The following CBR4 variants were observed in gnomAD, a reference collection of about 807,000 sequenced individuals.
The protein encoded by CBR4 is carbonyl reductase 4.
Under a neutral mutation model 21.0 loss-of-function variants are expected in CBR4, and 22 were observed. That is an observed-to-expected ratio of 1.05 (90% confidence interval 0.75 to 1.50). The LOEUF is 1.50. CBR4 is among the 40% of genes most tolerant of loss of function. CBR4 has a pLI of 0.00. For missense variants in CBR4, 302 were observed against 286.3 expected (o/e 1.05, Z -0.40); for synonymous variants, 100 against 104.4 (o/e 0.96, Z 0.26).
downstream of CBR4, chr4:168,987,577 T>A: frequency 1.2e-6 from 1 of 838,938 alleles, no homozygotes; most frequent in Non-Finnish European, 1.4e-6. Context: ...AAGATAAAAT[T>A]AACATCAGAA....
intron 2 of CBR4, among the ~76,000 whole-genome samples, chr4:168,938,915 T>C (rs187108732): frequency 1.3e-5 from 2 of 151,880 alleles, no homozygotes; most frequent in African/African-American, 2.4e-5. Flanking sequence ...TAAACAATAG[T>C]AAAAAAGGGA....
chr4:168,929,656 A>T (rs1013166847), intron 2 of CBR4, among the ~76,000 whole-genome samples: 3 of 152,176 alleles, frequency 2.0e-5, no homozygotes, highest in East Asian at 3.8e-4. Context: ...GGAGTTGGCC[A>T]ACCAGGATTT....
chr4:168,953,294 T>C (rs1763596591), intron 2 of CBR4, among the ~76,000 whole-genome samples: 1 of 152,248 alleles, frequency 6.6e-6, no homozygotes, highest in Non-Finnish European at 1.5e-5. Context: ...CGCATCTATT[T>C]CTGTTTCCAG....
intron 2 of CBR4, among the ~76,000 whole-genome samples, chr4:168,950,899 A>T (rs1763521029): frequency 6.6e-6 from 1 of 152,144 alleles, no homozygotes; most frequent in Non-Finnish European, 1.5e-5. Flanking sequence ...CTAACATAAG[A>T]ATAGCTACCC....
chr4:168,931,077 CTG>C (rs2126653757), intron 2 of CBR4, among the ~76,000 whole-genome samples: 1 of 152,298 alleles, frequency 6.6e-6, no homozygotes, highest in African/African-American at 2.4e-5. Context: ...CCAGGATTGG[CTG>C]TGACTCTGGT....
At chr4:169,007,086 C>T (rs1730970586) in intron 2 of CBR4, among the ~76,000 whole-genome samples, 195 bp from the exon 3 acceptor site, 1 of 152,104 alleles carries the variant, frequency 6.6e-6, no homozygotes, top group Non-Finnish European at 1.5e-5. Flanking sequence ...AGAAAGGATC[C>T]ACTTGGAAGA....
At position 168,915,939 on chromosome 4, in the gene CBR4, T is replaced by C. The variant is rs958874337; in HGVS notation, n.170-21174A>G. The C allele has an allele frequency of 6.2e-7, 1 of 1,613,466 alleles. No individual in the cohort carries two copies. The highest frequency in any genetic ancestry group is 8.5e-7 in the Non-Finnish European group (1 of 1,179,374). On this transcript the variant is annotated intron_variant and non_coding_transcript_variant, in intron 2 of 3. Transcript: ENST00000509108. ...GACAGTGGAGACGAAAATGAACCAATTCAGGAGCGATTCTTCAGACCTCAC... is the reference window on the plus strand; with the variant it reads ...GACAGTGGAGACGAAAATGAACCAACTCAGGAGCGATTCTTCAGACCTCAC...
chr4:168,954,162 A>G (rs1763622059), intron 2 of CBR4, among the ~76,000 whole-genome samples: 2 of 152,192 alleles, frequency 1.3e-5, no homozygotes, highest in Admixed American at 1.3e-4. Context: ...AAATGTCCTG[A>G]GCATTTCCAG....
intron 2 of CBR4, among the ~76,000 whole-genome samples, chr4:168,913,155 G>C (rs1294834535): frequency 2.7e-5 from 2 of 73,238 alleles, no homozygotes; most frequent in African/African-American, 5.6e-5. Flanking sequence ...TTTTTTTTTT[G>C]AGACAGAGTC....
At chr4:168,951,365 T>C (rs1263231605) in intron 2 of CBR4, among the ~76,000 whole-genome samples, 1 of 152,248 alleles carries the variant, frequency 6.6e-6, no homozygotes, top group African/African-American at 2.4e-5. Flanking sequence ...CAGTTCTGTA[T>C]CTTTTAAGTG....
downstream of CBR4, among the ~76,000 whole-genome samples, chr4:168,983,036 T>A (rs544225445): frequency 6.6e-6 from 1 of 151,562 alleles, no homozygotes; most frequent in African/African-American, 2.4e-5. Flanking sequence ...ACAAACCAAC[T>A]CCAAAGCTAG....
chr4:168,973,186 G>A (rs1764262996), intron 2 of CBR4, among the ~76,000 whole-genome samples: 1 of 152,140 alleles, frequency 6.6e-6, no homozygotes, highest in South Asian at 2.1e-4. Context: ...GTATTTTGTT[G>A]TGGAGTTTTG....
rs529080397 is a variant in CBR4, at chr4:168,989,582, A to G, written c.*568T>C. On this transcript the variant is annotated 3_prime_UTR_variant, in exon 5 of 5. Transcript: ENST00000306193. ...TGGGCTTGCTAAAGTATTGACAACTAATCAGTGTCCTCTAAATACTCTTAT... is the reference window on the plus strand; with the variant it reads ...TGGGCTTGCTAAAGTATTGACAACTGATCAGTGTCCTCTAAATACTCTTAT... 6.1e-6 allele frequency: 6 copies of G among 985,308 alleles called. No homozygotes were observed. Among genetic ancestry groups the G allele is most frequent in the African/African-American group, 1.7e-5 (1 of 57,250 alleles). The allele number at this position is 985,308 out of a possible 1,614,324, so 61.0% of individuals were successfully genotyped here. A position where few individuals can be genotyped will look rare whatever the true frequency, so the allele number is the denominator to read the frequency against.
At chr4:169,005,705 T>G (rs1488041496) in intron 3 of CBR4, among the ~76,000 whole-genome samples, 1 of 152,240 alleles carries the variant, frequency 6.6e-6, no homozygotes, top group Non-Finnish European at 1.5e-5. Context: ...ACTCATTGAC[T>G]AATCTCTTAC....
intron 2 of CBR4, among the ~76,000 whole-genome samples, chr4:168,975,817 C>T (rs1277432943): frequency 1.3e-5 from 2 of 152,054 alleles, no homozygotes; most frequent in Non-Finnish European, 2.9e-5. Context: ...GTTATGTTCC[C>T]AGGGGGATTA....
chr4:168,979,373 C>T lies in CBR4; in HGVS notation n.169+22698G>A, dbSNP rs111265068. On this transcript the variant is annotated intron_variant and non_coding_transcript_variant, in intron 2 of 3. Coordinates refer to the CBR4 transcript ENST00000509108. ...CACAGGCCCCCAGCACAGCACAGCTCCTTTATAGAAAAGCAACCAGACTGT... is the reference window on the plus strand; with the variant it reads ...CACAGGCCCCCAGCACAGCACAGCTTCTTTATAGAAAAGCAACCAGACTGT... 9.6e-4 allele frequency among the ~76,000 whole-genome samples: 146 copies of T among 152,168 alleles called. 1 individual carries two copies. Among genetic ancestry groups the T allele is most frequent in the African/African-American group, 3.4e-3 (141 of 41,490 alleles).
intron 2 of CBR4, chr4:168,925,222 T>C (rs1289559303): frequency 1.2e-6 from 2 of 1,603,634 alleles, no homozygotes; most frequent in Admixed American, 3.3e-5. Flanking sequence ...TCTCTCTCTT[T>C]CTATTTGTAG....
Position 169,003,960 on chromosome 4 carries a change from G to C in CBR4, c.401-1755C>G, listed in dbSNP as rs1043862861. Among the ~76,000 whole-genome samples, 4 of 152,132 alleles carry C rather than the reference G, an allele frequency of 2.6e-5. No individual in the cohort carries two copies. The East Asian group carries it at 7.7e-4, about 29-fold the overall frequency. On this transcript the variant is annotated intron_variant, in intron 3 of 4. Coordinates refer to ENST00000306193, the MANE Select transcript of CBR4 (RefSeq NM_032783.5). ...GGGACTGTTGTGGGGTGGGGGAAGCGGGGAGGGATAGCATTGGGAGATATA... is the reference window on the plus strand; with the variant it reads ...GGGACTGTTGTGGGGTGGGGGAAGCCGGGAGGGATAGCATTGGGAGATATA...
chr4:168,985,366 C>T (rs1764656777), downstream of CBR4, among the ~76,000 whole-genome samples: 1 of 152,018 alleles, frequency 6.6e-6, no homozygotes, highest in South Asian at 2.1e-4. Flanking sequence ...CTCAGATTGG[C>T]TATTATTAAA....
Sources: gnomAD v4.1 joint callset for allele counts (sites outside exome capture counted in the v4.1 genomes callset) on GRCh38, gnomAD v4.1.1 for gene constraint, MANE v1.5 for transcripts, NCBI Gene and HGNC (gene_info 2026-07-23, HGNC 2026-07-21) for gene names.